Variants in ZNF276 observed in about 807,000 individuals in gnomAD.
The protein encoded by ZNF276 is zinc finger protein 276, also known as centromere protein Z.
Under a neutral mutation model 63.9 loss-of-function variants are expected in ZNF276, and 59 were observed. That is an observed-to-expected ratio of 0.92 (90% CI 0.75 to 1.15). ZNF276 has a LOEUF of 1.15. Ranked by LOEUF, ZNF276 falls within the 50% of genes most tolerant of loss-of-function variation. ZNF276 has a pLI of 0.00. For missense variants in ZNF276, 1,084 were observed against 843.8 expected (o/e 1.28, Z -3.53); for synonymous variants, 496 against 348.4 (o/e 1.42, Z -4.72).
Position 89,723,727 on chromosome 16 carries a change from C to G in ZNF276, c.1006+18C>G, listed in dbSNP as rs1422207617. ...GGCCCCAGGTAGGAGGCACCTCTTG[C>G]TGGTGCTAGACCAGGATGTGTGCTC... On this transcript the variant is annotated intron_variant, in intron 4 of 10. Transcript: ENST00000443381. 6.2e-7 allele frequency: 1 copy of G among 1,600,598 alleles called. No homozygotes were observed. The highest frequency in any genetic ancestry group is 8.5e-7 in the Non-Finnish European group (1 of 1,173,446).
At chr16:89,725,816 A>C (rs1218490455) in intron 4 of ZNF276, among the ~76,000 whole-genome samples, 1 of 151,998 alleles carries the variant, frequency 6.6e-6, no homozygotes, top group East Asian at 1.9e-4. Context: ...AAACAAAGAA[A>C]ACTTATTTTA....
At chr16:89,735,410 T>C (rs2061824613) in intron 9 of ZNF276, among the ~76,000 whole-genome samples, 1 of 152,194 alleles carries the variant, frequency 6.6e-6, no homozygotes, top group Non-Finnish European at 1.5e-5. Flanking sequence ...TTTACTGAAG[T>C]ATTTTTTCAT....
chr16:89,733,625 G>A, intron 8 of ZNF276, 68 bp downstream of exon 8: 2 of 1,561,770 alleles, frequency 1.3e-6, no homozygotes, highest in East Asian at 2.2e-5. Context: ...GGTAGCAGGT[G>A]TTTCTGCAGC....
chr16:89,738,312 T>C lies in ZNF276; in HGVS notation c.*66T>C. 1 of 1,524,998 alleles carries C rather than the reference T, an allele frequency of 6.6e-7. No homozygotes were observed. Among genetic ancestry groups the C allele is most frequent in the Non-Finnish European group, 8.8e-7 (1 of 1,137,220 alleles). 94.5% of individuals were successfully genotyped at this position (1,524,998 alleles called of 1,614,324 possible). On this transcript the variant is annotated 3_prime_UTR_variant, in exon 11 of 11. Coordinates refer to ENST00000443381, the MANE Select transcript of ZNF276 (RefSeq NM_001113525.2). ...CGCAGTGGCTGTGTCAGCCTCACCC[T>C]TCGTGTGCACCCGCATGGGAGGGTC...
chr16:89,730,513 G>T (rs1331389423), intron 6 of ZNF276, among the ~76,000 whole-genome samples: 1 of 152,164 alleles, frequency 6.6e-6, no homozygotes, highest in Non-Finnish European at 1.5e-5. Context: ...TCTCTGCTGA[G>T]CCCCTGCTGC....
chr16:89,733,553 T>G lies in ZNF276; in HGVS notation c.1352T>G (p.Met451Arg), dbSNP rs975182502. 1 of 1,613,820 alleles carries G rather than the reference T, an allele frequency of 6.2e-7. No homozygotes were observed. Among genetic ancestry groups the G allele is most frequent in the African/African-American group, 1.3e-5 (1 of 74,938 alleles). ...CTAVYRGADGMKKHIKEHHEE... is the reference protein window; with the variant it reads ...CTAVYRGADGRKKHIKEHHEE... ...GCCGTGTACCGAGGCGCTGACGGCATGAAGGTGAGCACTGGCTGTGCCTGA... is the reference window on the plus strand; with the variant it reads ...GCCGTGTACCGAGGCGCTGACGGCAGGAAGGTGAGCACTGGCTGTGCCTGA... The change falls in exon 8 of 11, where the codon ATG becomes AGG. Residue 451 changes from methionine (M) to arginine (R), a missense_variant. Physicochemically the swap from Met to Arg is moderately conservative, Grantham distance 91 (BLOSUM62 -1). Transcript: ENST00000443381.
At chr16:89,728,921 A>G (rs1272703886) in intron 5 of ZNF276, among the ~76,000 whole-genome samples, 4 of 152,158 alleles carry the variant, frequency 2.6e-5, no homozygotes, top group Non-Finnish European at 5.9e-5. Flanking sequence ...TCGATTTCTC[A>G]AAGTCTGCTT....
chr16:89,728,654 T>G (rs185825672), intron 5 of ZNF276, among the ~76,000 whole-genome samples: 111 of 152,170 alleles, frequency 7.3e-4, no homozygotes, highest in East Asian at 4.1e-3. Context: ...CGCCCGCCTC[T>G]GCCTCCCAAA....
At chr16:89,723,752 C>G (rs751153649) in intron 4 of ZNF276, 43 bp downstream of exon 4, 16 of 1,564,876 alleles carry the variant, frequency 1.0e-5, no homozygotes, top group Non-Finnish European at 1.4e-5. Flanking sequence ...GATGTGTGCT[C>G]CTCAGTGGGG....
chr16:89,726,419 C>A (rs8049197), intron 4 of ZNF276, among the ~76,000 whole-genome samples: 125,341 of 152,010 alleles, frequency 0.82, 51,835 homozygotes, highest in East Asian at 1. Flanking sequence ...CTGGTCTCGA[C>A]CTCCCGACTT....
At chr16:89,724,818 C>G (rs747296512) in intron 4 of ZNF276, among the ~76,000 whole-genome samples, 12 of 134,008 alleles carry the variant, frequency 9.0e-5, no homozygotes, top group South Asian at 4.3e-4. Context: ...ATCTGTGTAT[C>G]TATCTACCTA....
chr16:89,739,749 G>T lies in ZNF276; in HGVS notation c.*1503G>T. The T allele has an allele frequency of 1.3e-6, 2 of 1,488,400 alleles. No homozygotes were observed. Among genetic ancestry groups the T allele is most frequent in the South Asian group, 2.7e-5 (2 of 74,980 alleles). The allele number at this position is 1,488,400 out of a possible 1,614,324, so 92.2% of individuals were successfully genotyped here. A position where few individuals can be genotyped will look rare whatever the true frequency, so the allele number is the denominator to read the frequency against. On this transcript the variant is annotated 3_prime_UTR_variant, in exon 11 of 11. Transcript: ENST00000443381. ...GGATGGGGGGGTCGACCTCTTGCAGGAGGGTGGGTGTGGTGCAGAGAGAGG... is the reference window on the plus strand; with the variant it reads ...GGATGGGGGGGTCGACCTCTTGCAGTAGGGTGGGTGTGGTGCAGAGAGAGG...
At chr16:89,737,935 G>A (rs767814198) in intron 10 of ZNF276, 30 bp downstream of exon 10, 4 of 1,613,922 alleles carry the variant, frequency 2.5e-6, no homozygotes, top group South Asian at 1.1e-5. Flanking sequence ...CCCTCCCAGG[G>A]CTGTGGCCCT....
In ZNF276 at chr16:89,725,189, G is replaced by A. The variant is rs137971708; in HGVS notation, c.1006+1480G>A. 6.2e-3 allele frequency among the ~76,000 whole-genome samples: 528 copies of A among 84,666 alleles called. 8 individuals are homozygous for A. Among genetic ancestry groups the A allele is most frequent in the South Asian group, 0.014 (34 of 2,366 alleles). 55.5% of individuals were successfully genotyped at this position (84,666 alleles called of 152,430 possible). A position where few individuals can be genotyped will look rare whatever the true frequency, so the allele number is the denominator to read the frequency against. On this transcript the variant is annotated intron_variant, in intron 4 of 10. Transcript: ENST00000443381. ...CAGCCTCCCGAGTAGCTGGGATGACGGGCACGTGCCACCACGCCCACCTAA... is the reference window on the plus strand; with the variant it reads ...CAGCCTCCCGAGTAGCTGGGATGACAGGCACGTGCCACCACGCCCACCTAA...
At chr16:89,737,642 A>G (rs1353435199) in intron 9 of ZNF276, 164 bp from the exon 10 acceptor site, 1 of 1,368,168 alleles carries the variant, frequency 7.3e-7, no homozygotes, top group Non-Finnish European at 9.7e-7. Flanking sequence ...CAGTTTAAAG[A>G]TCTTAATAAA....
intron 9 of ZNF276, among the ~76,000 whole-genome samples, chr16:89,735,036 G>C (rs1484556778): frequency 6.6e-6 from 1 of 151,800 alleles, no homozygotes; most frequent in Non-Finnish European, 1.5e-5. Flanking sequence ...GCACACGCCT[G>C]TAGGCACAGC....
At position 89,739,655 on chromosome 16, in the gene ZNF276, G is replaced by C. The variant is rs1061647; in HGVS notation, c.*1409G>C. ...CGGGACGTGTACCCTGGGAGGCCTG[G>C]CTGTGGGGATAGTGTGGGGCGAACA... On this transcript the variant is annotated 3_prime_UTR_variant, in exon 11 of 11. Coordinates refer to ENST00000443381, the MANE Select transcript of ZNF276 (RefSeq NM_001113525.2). 116,106 of 1,507,230 alleles carry C rather than the reference G, an allele frequency of 0.077. 5,363 individuals carry two copies. The highest frequency in any genetic ancestry group is 0.16 in the East Asian group (6,534 of 40,638). 93.4% of individuals were successfully genotyped at this position (1,507,230 alleles called of 1,614,324 possible).
upstream of ZNF276, chr16:89,721,417 G>C (rs1316048806): frequency 1.2e-5 from 5 of 416,634 alleles, no homozygotes; most frequent in Admixed American, 4.6e-5. Flanking sequence ...GGGCCCGAGA[G>C]GGGAGCGGTA....
Position 89,737,892 on chromosome 16 carries a change from G to A in ZNF276, c.1561G>A (p.Ala521Thr). ...LLVHQMRHSG[A>T]KPLQCEVCGF... is the part of the protein sequence containing the mutation. ...CGTCCACCAAATGCGACATTCGGGA[G>A]CCAAGCCTTTGCAGTAAGTGTGAGT... Residue 521 changes from alanine (A) to threonine (T), a missense_variant, in exon 10 of 11, where the codon GCC becomes ACC. Ala to Thr is a moderately conservative substitution (Grantham distance 58, BLOSUM62 0). Coordinates refer to ENST00000443381, the MANE Select transcript of ZNF276 (RefSeq NM_001113525.2). 1 of 1,611,558 alleles carries A rather than the reference G, an allele frequency of 6.2e-7. No homozygotes were observed. Among genetic ancestry groups the A allele is most frequent in the Non-Finnish European group, 8.5e-7 (1 of 1,179,716 alleles).
Sources: allele counts gnomAD v4.1 joint callset (sites outside exome capture counted in the v4.1 genomes callset), GRCh38; gene constraint gnomAD v4.1.1; transcripts MANE v1.5; gene names NCBI Gene and HGNC (gene_info 2026-07-23, HGNC 2026-07-21).